Variants in ACOXL observed in about 807,000 individuals in gnomAD.
The protein encoded by ACOXL is acyl-CoA oxidase like, also known as acyl-coenzyme A oxidase-like protein.
Under a neutral mutation model 71.9 loss-of-function variants are expected in ACOXL, and 70 were observed. The observed-to-expected ratio is 0.97, with a 90% confidence interval of 0.80 to 1.19. The LOEUF (loss-of-function observed/expected upper bound fraction) is 1.19, where lower values mean the gene tolerates loss of function less well. ACOXL is among the 50% of genes most tolerant of loss of function. The pLI, the probability that ACOXL is intolerant of heterozygous loss-of-function variation, is 0.00. For missense variants in ACOXL, 703 were observed against 736.3 expected (o/e 0.95, Z 0.52); for synonymous variants, 253 against 281.6 (o/e 0.90, Z 1.02).
intron 1 of ACOXL, among the ~76,000 whole-genome samples, chr2:110,743,285 A>G (rs1559206544): frequency 6.6e-6 from 1 of 152,244 alleles, no homozygotes; most frequent in African/African-American, 2.4e-5. Context: ...TGTTGTATGC[A>G]TATATCAGGC....
rs2065685992 is a variant in ACOXL at position 111,039,737 on chromosome 2, T to A, written c.1369+8023T>A. 2.0e-5 allele frequency among the ~76,000 whole-genome samples: 3 copies of A among 152,250 alleles called. No homozygotes were observed. The South Asian group carries it at 6.2e-4, about 31-fold the overall frequency. ...CACCTGGAAAATAAGATAATTCTCG[T>A]AGATTTTTATAACTATGGGTGAAAA... On this transcript the variant is annotated intron_variant, in intron 15 of 17. Transcript: ENST00000439055.
chr2:110,821,583 G>A (rs1425357057), intron 9 of ACOXL, among the ~76,000 whole-genome samples: 1 of 152,152 alleles, frequency 6.6e-6, no homozygotes, highest in Non-Finnish European at 1.5e-5. Context: ...AGTAATTGCT[G>A]ACTTAAAGTG....
intron 10 of ACOXL, among the ~76,000 whole-genome samples, chr2:110,901,687 TAC>T (rs1381227308): frequency 1.3e-5 from 2 of 150,204 alleles, no homozygotes; most frequent in Non-Finnish European, 3.0e-5. Flanking sequence ...TACACTCACT[TAC>T]ACACACACAG....
intron 2 of ACOXL, among the ~76,000 whole-genome samples, chr2:110,770,582 T>C (rs556351884): frequency 7.2e-5 from 11 of 152,322 alleles, no homozygotes; most frequent in African/African-American, 2.6e-4. Flanking sequence ...AAAAATCATT[T>C]CATACCAAGT....
intron 12 of ACOXL, among the ~76,000 whole-genome samples, chr2:110,971,156 A>G (rs1208064537): frequency 1.3e-5 from 2 of 152,196 alleles, no homozygotes; most frequent in Admixed American, 1.3e-4. Context: ...AAGTGGTCAA[A>G]AAAACATCAA....
At chr2:111,115,312 C>A (rs368452633) in intron 17 of ACOXL, among the ~76,000 whole-genome samples, 5 of 152,232 alleles carry the variant, frequency 3.3e-5, no homozygotes, top group African/African-American at 1.2e-4. Context: ...TATAAAAATA[C>A]CCCCTGGTAA....
intron 17 of ACOXL, among the ~76,000 whole-genome samples, chr2:111,110,197 G>T (rs1558978921): frequency 6.6e-6 from 1 of 151,908 alleles, no homozygotes; most frequent in Non-Finnish European, 1.5e-5. Context: ...CCTTTCTTTT[G>T]TCTGGTGGTT....
intron 10 of ACOXL, among the ~76,000 whole-genome samples, chr2:110,894,498 G>T (rs2058926963): frequency 6.6e-6 from 1 of 152,134 alleles, no homozygotes; most frequent in Non-Finnish European, 1.5e-5. Flanking sequence ...TGAGTGGGGA[G>T]TATAGACTTC....
Position 110,920,778 on chromosome 2 carries a change from G to C in ACOXL, c.905+11873G>C, listed in dbSNP as rs73956479. Among the ~76,000 whole-genome samples, 1,421 of 152,180 alleles carry C rather than the reference G, an allele frequency of 9.3e-3. 17 individuals carry two copies. Among genetic ancestry groups the C allele is most frequent in the African/African-American group, 0.032 (1,339 of 41,524 alleles). On this transcript the variant is annotated intron_variant, in intron 11 of 17. Coordinates refer to ENST00000439055, the MANE Select transcript of ACOXL (RefSeq NM_001142807.4). The stretch of plus-strand genomic sequence containing the variant: ...GTATTGACTTAGAAATCAATTTGGG[G>C]ATAGTCTGCCTATTAATATTGAGTC...
At chr2:110,799,178 C>G in intron 7 of ACOXL, 78 bp downstream of exon 7, 1 of 1,391,870 alleles carries the variant, frequency 7.2e-7, no homozygotes, top group Non-Finnish European at 1.0e-6. Flanking sequence ...ATCTAACCTA[C>G]GTTATATTAC....
chr2:110,879,981 A>G (rs1356420101), intron 10 of ACOXL, among the ~76,000 whole-genome samples: 1 of 151,912 alleles, frequency 6.6e-6, no homozygotes, highest in Non-Finnish European at 1.5e-5. Flanking sequence ...CCCCGTCTCT[A>G]CTAAAAATAC....
chr2:110,812,697 A>G (rs987455651), intron 9 of ACOXL, among the ~76,000 whole-genome samples: 1 of 152,260 alleles, frequency 6.6e-6, no homozygotes, highest in African/African-American at 2.4e-5. Flanking sequence ...GTGCAGCCAG[A>G]GATAGTAAGT....
At chr2:110,735,268 T>C (rs776852417) in intron 1 of ACOXL, among the ~76,000 whole-genome samples, 2 of 152,212 alleles carry the variant, frequency 1.3e-5, no homozygotes, top group African/African-American at 4.8e-5. Context: ...ATTCTCCTAA[T>C]GTAAAATGTT....
chr2:110,980,980 C>G (rs950321863), intron 12 of ACOXL, among the ~76,000 whole-genome samples: 2 of 152,186 alleles, frequency 1.3e-5, no homozygotes, highest in African/African-American at 4.8e-5. Flanking sequence ...CCCCAGCACA[C>G]CAGGGGTTCC....
At chr2:110,769,131 AG>A (rs1179466703) in intron 2 of ACOXL, among the ~76,000 whole-genome samples, 1 of 152,072 alleles carries the variant, frequency 6.6e-6, no homozygotes, top group Non-Finnish European at 1.5e-5. Context: ...GGGCTTTTAA[AG>A]TACTTTAGAC....
intron 8 of ACOXL, 134 bp downstream of exon 8, chr2:110,801,858 C>A: frequency 1.5e-6 from 1 of 674,438 alleles, no homozygotes; most frequent in South Asian, 1.9e-5. Context: ...GGTTTGTTGA[C>A]AACTAATTGG....
chr2:111,111,301 T>C (rs771982029), intron 17 of ACOXL, among the ~76,000 whole-genome samples: 15 of 151,926 alleles, frequency 9.9e-5, no homozygotes, highest in Non-Finnish European at 1.9e-4. Flanking sequence ...GGTTTCACCA[T>C]GTTGCCCAGA....
intron 15 of ACOXL, among the ~76,000 whole-genome samples, chr2:111,035,338 T>C (rs1019748929): frequency 6.6e-6 from 1 of 152,252 alleles, no homozygotes; most frequent in African/African-American, 2.4e-5. Context: ...GTTTCCGTAG[T>C]GGGATGTAAC....
At chr2:110,860,777 C>A (rs1256721640) in intron 10 of ACOXL, among the ~76,000 whole-genome samples, 1 of 152,176 alleles carries the variant, frequency 6.6e-6, no homozygotes, top group East Asian at 1.9e-4. Flanking sequence ...TGCTGCAAGT[C>A]AAGCACATGT....
Sources: gnomAD v4.1 joint callset for allele counts (sites outside exome capture counted in the v4.1 genomes callset) on GRCh38, gnomAD v4.1.1 for gene constraint, MANE v1.5 for transcripts, NCBI Gene and HGNC (gene_info 2026-07-23, HGNC 2026-07-21) for gene names.